Variants in GPRIN2 observed in about 807,000 individuals in gnomAD.
GPRIN2 encodes the protein G protein-regulated inducer of neurite outgrowth 2.
A neutral mutation model predicts 0.3 loss-of-function variants in GPRIN2; 1 was observed. The observed-to-expected ratio is 3.90, with a 90% confidence interval of 1.39 to 18.51. The LOEUF is 18.51. Ranked by LOEUF, GPRIN2 falls within the 30% of genes most tolerant of loss-of-function variation. The pLI is 0.11. For missense variants in GPRIN2, 880 were observed against 604.2 expected (o/e 1.46, Z -4.79); for synonymous variants, 361 against 258.6 (o/e 1.40, Z -3.80).
At position 46,549,138 on chromosome 10, in the gene GPRIN2, GCA is replaced by G; in HGVS notation, c.*220_*221del. ...TCTCAAAGTTCAGAGCCCGGAAGGT[GCA>G]GAGATGTGGCCCTTGGAAATCAAGC... On this transcript the variant is annotated 3_prime_UTR_variant, in exon 3 of 3. Transcript: ENST00000374314. The G allele has an allele frequency of 1.8e-6, 1 of 543,608 alleles. No homozygotes were observed. Among genetic ancestry groups the G allele is most frequent in the South Asian group, 4.4e-5 (1 of 22,644 alleles). 33.7% of individuals were successfully genotyped at this position (543,608 alleles called of 1,614,324 possible).
rs1277097238 is a variant in GPRIN2, at chr10:46,550,678, G to A, written c.59C>T (p.Pro20Leu). 7.9e-6 allele frequency: 12 copies of A among 1,520,210 alleles called. No individual in the cohort carries two copies. Among genetic ancestry groups the A allele is most frequent in the Non-Finnish European group, 1.1e-5 (12 of 1,137,172 alleles). 94.2% of individuals were successfully genotyped at this position (1,520,210 alleles called of 1,614,324 possible). A position where few individuals can be genotyped will look rare whatever the true frequency, so the allele number is the denominator to read the frequency against. The part of the protein sequence containing the change: ...PWAPLSPRLQ[P>L]LSQSSSSLLG... ...CAGGCTGGAAGAGCTCTGGGACAGG[G>A]GCTGAAGGCGGGGGCTCAGGGGTGC... Residue 20 changes from proline to leucine, a missense_variant, in exon 3 of 3, where the codon CCC (proline) becomes CTC (leucine). Transcript: ENST00000374314.
chr10:46,546,816 AG>A lies in GPRIN2; in HGVS notation c.*2543del, dbSNP rs1232459567. Among the ~76,000 whole-genome samples the A allele has an allele frequency of 6.6e-6, 1 of 152,310 alleles. No homozygotes were observed. The highest frequency in any genetic ancestry group is 6.5e-5 in the Admixed American group (1 of 15,294). On this transcript the variant is annotated 3_prime_UTR_variant, in exon 3 of 3. Transcript: ENST00000374314. ...GGGAGACAAGGATCGTGGTTTAGCC[AG>A]GAGAATCATCTGGGGCCCCAGCCAA...
At position 46,544,937 on chromosome 10, in the gene GPRIN2, C is replaced by T. The variant is rs1842024556; in HGVS notation, c.*4423G>A. Among the ~76,000 whole-genome samples the T allele has an allele frequency of 6.6e-6, 1 of 152,310 alleles. No homozygotes were observed. Among genetic ancestry groups the T allele is most frequent in the Non-Finnish European group, 1.5e-5 (1 of 68,058 alleles). ...CAGTGATATGTCCTGGGCTTCATAC[C>T]AGCCCTGCCCTGCCTGACAAGTTGG... is the stretch of plus-strand genomic sequence containing the variant. On this transcript the variant is annotated 3_prime_UTR_variant, in exon 3 of 3. Transcript: ENST00000374314.
Position 46,550,445 on chromosome 10 carries a change from C to A in GPRIN2, c.292G>T (p.Val98Leu), listed in dbSNP as rs1226128680. Residue 98 changes from valine (V) to leucine (L), a missense_variant, in exon 3 of 3, where the codon GTG becomes TTG. Coordinates refer to ENST00000374314, the MANE Select transcript of GPRIN2 (RefSeq NM_001385282.1). ...AGGTCACTGCCGCCCATGGTGGACA[C>A]ATTGCCCACAGTGCTGCTCCACCAG... The part of the protein sequence containing the change: ...GHWWSSTVGN[V>L]STMGGSDLCR... The A allele has an allele frequency of 2.5e-6, 4 of 1,611,782 alleles. No homozygotes were observed. Among genetic ancestry groups the A allele is most frequent in the Non-Finnish European group, 3.4e-6 (4 of 1,179,754 alleles).
At chr10:46,556,925 A>C (rs1322092314), upstream of GPRIN2, among the ~76,000 whole-genome samples, 1 of 150,674 alleles carries the variant, frequency 6.6e-6, no homozygotes, top group Non-Finnish European at 1.5e-5. Context: ...TCCCCGACGC[A>C]ACCCCACCGT....
At position 46,548,793 on chromosome 10, in the gene GPRIN2, G is replaced by A. The variant is rs1842397216; in HGVS notation, c.*567C>T. ...GATCTCAGTCCCACCTCTTCAAGCT[G>A]TCCAGCGTGGGGCACATCGGCTACA... On this transcript the variant is annotated 3_prime_UTR_variant, in exon 3 of 3. Transcript: ENST00000374314. Among the ~76,000 whole-genome samples the A allele has an allele frequency of 6.6e-6, 1 of 152,310 alleles. No individual in the cohort carries two copies. Among genetic ancestry groups the A allele is most frequent in the Non-Finnish European group, 1.5e-5 (1 of 68,056 alleles).
rs1430970733 is a variant in GPRIN2 at position 46,547,139 on chromosome 10, C to T, written c.*2221G>A. 1.3e-5 allele frequency among the ~76,000 whole-genome samples: 2 copies of T among 152,308 alleles called. No individual in the cohort carries two copies. Among genetic ancestry groups the T allele is most frequent in the African/African-American group, 4.8e-5 (2 of 41,488 alleles). On this transcript the variant is annotated 3_prime_UTR_variant, in exon 3 of 3. Coordinates refer to ENST00000374314, the MANE Select transcript of GPRIN2 (RefSeq NM_001385282.1). ...TGACCCAGGTAGTGGCCTCACCCTC[C>T]TCTTGCTCAAACTGGAAACCTCAGC...
intron 1 of GPRIN2, 98 bp from the exon 2 acceptor site, chr10:46,554,793 CT>C: frequency 6.5e-6 from 1 of 154,636 alleles, no homozygotes; most frequent in Non-Finnish European, 1.4e-5. Context: ...ACATAGAGAC[CT>C]TTGAGTCAAC....
At position 46,549,729 on chromosome 10, in the gene GPRIN2, A is replaced by G. The variant is rs1842457391; in HGVS notation, c.1008T>C (p.Gly336=). The G allele has an allele frequency of 6.2e-7, 1 of 1,614,146 alleles. No individual in the cohort carries two copies. The highest frequency in any genetic ancestry group is 2.2e-5 in the East Asian group (1 of 44,894). ...AGGCCGCCACTGGGGCCGCCTGCAC[A>G]CCAGCATCCTGGGCTGACAGCGGGG... The part of the protein sequence containing the change: ...EASPLSAQDA[G]VQAAPVAACK... Residue 336 remains glycine (G), a synonymous_variant, in exon 3 of 3, where the codon GGT becomes GGC. Transcript: ENST00000374314.
chr10:46,549,333 C>A lies in GPRIN2; in HGVS notation c.*27G>T. ...AGGTCTAGGACTAAGTCAGTGGGCC[C>A]AGGCCAGCTCCAAGGGCCACAGCTC... On this transcript the variant is annotated 3_prime_UTR_variant, in exon 3 of 3. Coordinates refer to ENST00000374314, the MANE Select transcript of GPRIN2 (RefSeq NM_001385282.1). The A allele has an allele frequency of 1.4e-6, 2 of 1,460,536 alleles. No individual in the cohort carries two copies. The highest frequency in any genetic ancestry group is 1.5e-5 in the South Asian group (1 of 68,324). 90.5% of individuals were successfully genotyped at this position (1,460,536 alleles called of 1,614,324 possible). A position where few individuals can be genotyped will look rare whatever the true frequency, so the allele number is the denominator to read the frequency against.
Position 46,544,836 on chromosome 10 carries a change from G to C in GPRIN2, c.*4524C>G, listed in dbSNP as rs1842017189. Among the ~76,000 whole-genome samples the C allele has an allele frequency of 6.6e-6, 1 of 152,306 alleles. No individual in the cohort carries two copies. The highest frequency in any genetic ancestry group is 1.5e-5 in the Non-Finnish European group (1 of 68,054). ...GAGAGATCTGGATCTTAACAGATCA[G>C]ACTTAAACTAATTTGCCCATGATGA... On this transcript the variant is annotated 3_prime_UTR_variant, in exon 3 of 3. Coordinates refer to ENST00000374314, the MANE Select transcript of GPRIN2 (RefSeq NM_001385282.1).
chr10:46,548,374 C>A lies in GPRIN2; in HGVS notation c.*986G>T, dbSNP rs1465977097. Among the ~76,000 whole-genome samples, 1 of 152,306 alleles carries A rather than the reference C, an allele frequency of 6.6e-6. No homozygotes were observed. The highest frequency in any genetic ancestry group is 1.5e-5 in the Non-Finnish European group (1 of 68,054). ...GCCAGGGCAAACTCCTGCCCTGTCC[C>A]CCTCCATTCCTGCCCTCCCTCCTTC... On this transcript the variant is annotated 3_prime_UTR_variant, in exon 3 of 3. Coordinates refer to ENST00000374314, the MANE Select transcript of GPRIN2 (RefSeq NM_001385282.1).
rs1841814396 is a variant in GPRIN2, at chr10:46,542,173, T to G, written c.*7187A>C. ...ACAGAGAGAAGGCCAGGCAGAAGGC[T>G]GCAGGGCAGGGGCCAGGTGGGCAGC... is the stretch of plus-strand genomic sequence containing the variant. On this transcript the variant is annotated 3_prime_UTR_variant, in exon 3 of 3. Coordinates refer to ENST00000374314, the MANE Select transcript of GPRIN2 (RefSeq NM_001385282.1). Among the ~76,000 whole-genome samples the G allele has an allele frequency of 6.6e-6, 1 of 152,310 alleles. No homozygotes were observed. Among genetic ancestry groups the G allele is most frequent in the Admixed American group, 6.5e-5 (1 of 15,294 alleles).
intron 2 of GPRIN2, among the ~76,000 whole-genome samples, chr10:46,551,650 T>A (rs3127676): frequency 6.6e-6 from 1 of 152,266 alleles, no homozygotes; most frequent in Non-Finnish European, 1.5e-5. Flanking sequence ...TGACATTTAA[T>A]CCCCTCTTGC....
chr10:46,548,876 T>A lies in GPRIN2; in HGVS notation c.*484A>T, dbSNP rs1372512263. On this transcript the variant is annotated 3_prime_UTR_variant, in exon 3 of 3. Transcript: ENST00000374314. ...AGGTGAAGACAGGACAAGCACAGTA[T>A]GTGGCACACAGGAGGCCTCTGATAA... 6.6e-6 allele frequency among the ~76,000 whole-genome samples: 1 copy of A among 152,312 alleles called. No homozygotes were observed. The highest frequency in any genetic ancestry group is 2.4e-5 in the African/African-American group (1 of 41,488).
Position 46,549,977 on chromosome 10 carries a change from C to G in GPRIN2, c.760G>C (p.Gly254Arg). The change falls in exon 3 of 3, where the codon GGG becomes CGG. Residue 254 changes from glycine to arginine, a missense_variant. Gly to Arg is a moderately radical substitution (Grantham distance 125). Transcript: ENST00000374314. ...GGCCHALPAT[G>R]ILAFPKLVAS... Reference sequence around the variant, plus strand: ...ACTAGTTTGGGAAAGGCCAGGATCCCTGTGGCAGGTAGGGCATGGCAGCAG... The same window carrying G: ...ACTAGTTTGGGAAAGGCCAGGATCCGTGTGGCAGGTAGGGCATGGCAGCAG... 6.2e-7 allele frequency: 1 copy of G among 1,614,206 alleles called. No individual in the cohort carries two copies. The highest frequency in any genetic ancestry group is 8.5e-7 in the Non-Finnish European group (1 of 1,180,050).
chr10:46,544,971 T>G lies in GPRIN2; in HGVS notation c.*4389A>C, dbSNP rs1041909339. On this transcript the variant is annotated 3_prime_UTR_variant, in exon 3 of 3. Transcript: ENST00000374314. ...CCTGCCTGACAAGTTGGATGAAAAC[T>G]GATAAAGGACTTGTCATAGCTTCAG... is the stretch of plus-strand genomic sequence containing the variant. Among the ~76,000 whole-genome samples the G allele has an allele frequency of 6.6e-6, 1 of 152,298 alleles. No homozygotes were observed. The highest frequency in any genetic ancestry group is 6.5e-5 in the Admixed American group (1 of 15,294).
At position 46,546,989 on chromosome 10, in the gene GPRIN2, C is replaced by T. The variant is rs1271360778; in HGVS notation, c.*2371G>A. On this transcript the variant is annotated 3_prime_UTR_variant, in exon 3 of 3. Coordinates refer to ENST00000374314, the MANE Select transcript of GPRIN2 (RefSeq NM_001385282.1). ...GTAGCACAGAGTGGCACCCAGCCAGCGTGAATGCATAAGAATCTGCACGTG... is the reference window on the plus strand; with the variant it reads ...GTAGCACAGAGTGGCACCCAGCCAGTGTGAATGCATAAGAATCTGCACGTG... Among the ~76,000 whole-genome samples, 12 of 152,428 alleles carry T rather than the reference C, an allele frequency of 7.9e-5. No homozygotes were observed. Among genetic ancestry groups the T allele is most frequent in the East Asian group, 7.7e-4 (4 of 5,196 alleles).
rs1841867724 is a variant in GPRIN2 at position 46,542,930 on chromosome 10, C to T, written c.*6430G>A. ...CCACCCACCTGATGTACCTCTCTAG[C>T]AGCCTAGCCAGCCAGCCACCAACAA... On this transcript the variant is annotated 3_prime_UTR_variant, in exon 3 of 3. Transcript: ENST00000374314. Among the ~76,000 whole-genome samples the T allele has an allele frequency of 6.6e-6, 1 of 152,310 alleles. No homozygotes were observed. Among genetic ancestry groups the T allele is most frequent in the Non-Finnish European group, 1.5e-5 (1 of 68,056 alleles).
Sources: gnomAD v4.1 joint callset for allele counts (sites outside exome capture counted in the v4.1 genomes callset) on GRCh38, gnomAD v4.1.1 for gene constraint, MANE v1.5 for transcripts, NCBI Gene and HGNC (gene_info 2026-07-23, HGNC 2026-07-21) for gene names.